The following CORIN variants were observed in gnomAD, a reference collection of about 807,000 sequenced individuals.
CORIN encodes the protein corin, serine peptidase.
In CORIN, 117 loss-of-function variants were observed where a neutral mutation model predicts 125.3. The observed-to-expected ratio is 0.93, with a 90% CI of 0.80 to 1.09. CORIN has a LOEUF of 1.09. Ranked by LOEUF, CORIN falls within the 50% of genes least tolerant of loss-of-function variation. The pLI, the probability that CORIN is intolerant of heterozygous loss-of-function variation, is 0.00. For missense variants in CORIN, 1,253 were observed against 1,306.7 expected (o/e 0.96, Z 0.63); for synonymous variants, 450 against 466.4 (o/e 0.96, Z 0.45).
chr4:47,743,523 A>T (rs1327516471), intron 5 of CORIN, among the ~76,000 whole-genome samples: 1 of 152,280 alleles, frequency 6.6e-6, no homozygotes, highest in Admixed American at 6.5e-5. Context: ...GGAGCTGGTA[A>T]GAGCATAAAT....
At chr4:47,761,710 C>CT (rs760513211) in intron 4 of CORIN, among the ~76,000 whole-genome samples, 1 of 152,046 alleles carries the variant, frequency 6.6e-6, no homozygotes, top group Non-Finnish European at 1.5e-5. Flanking sequence ...TGAAAAGAGA[C>CT]TGGGGAAGTT....
chr4:47,643,044 G>T (rs55932196), intron 15 of CORIN, 102 bp downstream of exon 15: 2 of 1,578,342 alleles, frequency 1.3e-6, no homozygotes, highest in Middle Eastern at 1.7e-4. Flanking sequence ...CAAAATAGAT[G>T]AACTTGGTCA....
intron 5 of CORIN, among the ~76,000 whole-genome samples, chr4:47,739,762 T>C (rs955267595): frequency 1.3e-5 from 2 of 152,074 alleles, no homozygotes; most frequent in East Asian, 1.9e-4. Flanking sequence ...GATTATATTA[T>C]ATAAAGATGT....
rs1238529224 is a variant in CORIN, at chr4:47,643,162, T to C, written c.2052A>G (p.Ser684=). The C allele has an allele frequency of 3.7e-6, 6 of 1,614,086 alleles. No individual in the cohort carries two copies. The South Asian group carries it at 6.6e-5, about 18-fold the overall frequency. Residue 684 remains serine, a synonymous_variant, in exon 15 of 22, where the codon TCA becomes TCG. Coordinates refer to ENST00000273857, the MANE Select transcript of CORIN (RefSeq NM_006587.4). ...GTAGCTCACCACAGTCCCATTCATCTGAACTGTCTGAGCAGTCGGCTTCAC... is the reference window on the plus strand; with the variant it reads ...GTAGCTCACCACAGTCCCATTCATCCGAACTGTCTGAGCAGTCGGCTTCAC... ...CDGEADCSDS[S]DEWDCVTLSI...
chr4:47,608,844 G>A (rs1026097465), intron 19 of CORIN, among the ~76,000 whole-genome samples: 3 of 152,034 alleles, frequency 2.0e-5, no homozygotes, highest in Non-Finnish European at 2.9e-5. Flanking sequence ...AGTCTCTTTG[G>A]TTTGCAATTT....
At chr4:47,771,286 T>C (rs1032622536) in intron 3 of CORIN, among the ~76,000 whole-genome samples, 2 of 152,076 alleles carry the variant, frequency 1.3e-5, no homozygotes, top group Admixed American at 6.6e-5. Context: ...TCTAGATAAT[T>C]CACCTAAGAA....
At chr4:47,651,187 C>G (rs527824499) in intron 13 of CORIN, among the ~76,000 whole-genome samples, 1 of 152,158 alleles carries the variant, frequency 6.6e-6, no homozygotes, top group Non-Finnish European at 1.5e-5. Context: ...AACTCAATAA[C>G]CTTGTTAGAA....
At chr4:47,640,815 A>G (rs10212843) in intron 16 of CORIN, among the ~76,000 whole-genome samples, 39,902 of 152,108 alleles carry the variant, frequency 0.26, 5,486 homozygotes, top group Admixed American at 0.36. Flanking sequence ...ACCTTATACC[A>G]ATAAGGTTTT....
intron 3 of CORIN, among the ~76,000 whole-genome samples, chr4:47,767,868 G>A (rs982449206): frequency 4.6e-5 from 7 of 152,118 alleles, no homozygotes; most frequent in Non-Finnish European, 7.3e-5. Flanking sequence ...TAACAAGACT[G>A]ACTCATGAAA....
chr4:47,696,867 C>G (rs1560509813), intron 5 of CORIN, among the ~76,000 whole-genome samples: 1 of 152,196 alleles, frequency 6.6e-6, no homozygotes, highest in South Asian at 2.1e-4. Context: ...GGCAAATGCT[C>G]TTATTATTCT....
chr4:47,663,662 G>A (rs1288615796), intron 11 of CORIN, among the ~76,000 whole-genome samples: 1 of 152,030 alleles, frequency 6.6e-6, no homozygotes, highest in African/African-American at 2.4e-5. Flanking sequence ...TGCTGCTTCA[G>A]GGAAATTTTT....
At chr4:47,610,982 T>TC (rs1473754060) in intron 19 of CORIN, among the ~76,000 whole-genome samples, 3 of 81,376 alleles carry the variant, frequency 3.7e-5, no homozygotes, top group Non-Finnish European at 8.4e-5. Context: ...TACCATGCAG[T>TC]TTTTGGTTAC....
intron 5 of CORIN, among the ~76,000 whole-genome samples, chr4:47,706,136 T>C (rs991433077): frequency 9.9e-5 from 15 of 152,230 alleles, no homozygotes; most frequent in African/African-American, 3.6e-4. Context: ...GTGATTTCTG[T>C]GGATGCTGAA....
intron 16 of CORIN, among the ~76,000 whole-genome samples, chr4:47,634,542 G>C (rs7689937): frequency 0.26 from 39,755 of 152,116 alleles, 5,428 homozygotes; most frequent in Admixed American, 0.36. Context: ...TCTGAGGCAG[G>C]AGAATCACTT....
intron 4 of CORIN, among the ~76,000 whole-genome samples, chr4:47,755,907 G>C (rs1304198306): frequency 2.6e-5 from 4 of 152,134 alleles, no homozygotes; most frequent in Admixed American, 6.6e-5. Flanking sequence ...CATTTAGGAG[G>C]GTTCCCTGAT....
At chr4:47,686,743 G>GT (rs1452637767) in intron 6 of CORIN, among the ~76,000 whole-genome samples, 7 of 152,170 alleles carry the variant, frequency 4.6e-5, no homozygotes, top group Admixed American at 3.3e-4. Context: ...TTGACGATCA[G>GT]TGCAAAGTAT....
chr4:47,691,077 G>A (rs140166033), intron 6 of CORIN, among the ~76,000 whole-genome samples: 6 of 152,278 alleles, frequency 3.9e-5, no homozygotes, highest in East Asian at 1.9e-4. Flanking sequence ...ACAGTAACAC[G>A]TTGTTGACAA....
At position 47,653,671 on chromosome 4, in the gene CORIN, C is replaced by T. The variant is rs1723838009; in HGVS notation, c.1736-11G>A. On this transcript the variant is annotated splice_polypyrimidine_tract_variant and intron_variant, in intron 12 of 21. Coordinates refer to ENST00000273857, the MANE Select transcript of CORIN (RefSeq NM_006587.4). ...GACTAGGTGAGCATTCTATTAAAAA[C>T]AATATTACTGTTAAAGGGCTGAAAA... 1 of 1,606,590 alleles carries T rather than the reference C, an allele frequency of 6.2e-7. No individual in the cohort carries two copies. The highest frequency in any genetic ancestry group is 1.3e-5 in the African/African-American group (1 of 74,880).
chr4:47,722,142 T>A (rs1727373014), intron 5 of CORIN, among the ~76,000 whole-genome samples: 1 of 152,198 alleles, frequency 6.6e-6, no homozygotes, highest in Admixed American at 6.5e-5. Flanking sequence ...TCATCCAATG[T>A]TTGCCTGTTT....
Sources: gnomAD v4.1 joint callset for allele counts (sites outside exome capture counted in the v4.1 genomes callset) on GRCh38, gnomAD v4.1.1 for gene constraint, MANE v1.5 for transcripts, NCBI Gene and HGNC (gene_info 2026-07-23, HGNC 2026-07-21) for gene names.